ZNF282: variants seen among roughly 807,000 people sequenced by gnomAD.
The protein encoded by ZNF282 is zinc finger protein 282, also known as HTLV-I U5 repressive element-binding protein 1.
Under a neutral mutation model 61.9 loss-of-function variants are expected in ZNF282, and 30 were observed. The observed-to-expected ratio is 0.48, with a 90% CI of 0.36 to 0.66. The LOEUF (loss-of-function observed/expected upper bound fraction) is 0.66, where lower values mean the gene tolerates loss of function less well. Ranked by LOEUF, ZNF282 falls within the 30% of genes least tolerant of loss-of-function variation. The pLI is 0.00. For missense variants in ZNF282, 788 were observed against 941.4 expected, an observed-to-expected ratio of 0.84 and a Z score of 2.13; for synonymous variants, 396 against 405.0, an observed-to-expected ratio of 0.98 and a Z score of 0.27.
At chr7:149,208,293 C>A (rs889671744) in intron 4 of ZNF282, among the ~76,000 whole-genome samples, 1 of 152,080 alleles carries the variant, frequency 6.6e-6, no homozygotes, top group African/African-American at 2.4e-5. Context: ...AGATTCAAGT[C>A]TGCAACCTCA....
At chr7:149,211,844 G>A (rs1344400075) in intron 5 of ZNF282, among the ~76,000 whole-genome samples, 1 of 152,060 alleles carries the variant, frequency 6.6e-6, no homozygotes, top group Non-Finnish European at 1.5e-5. Context: ...AAGGCAATAA[G>A]GTGTAAATTA....
Position 149,223,915 on chromosome 7 carries a change from G to C in ZNF282, c.1284G>C (p.Gln428His), listed in dbSNP as rs1036044800. The C allele has an allele frequency of 2.2e-6, 3 of 1,362,158 alleles. No individual in the cohort carries two copies. The highest frequency in any genetic ancestry group is 3.6e-5 in the Admixed American group (1 of 28,134). 84.4% of individuals were successfully genotyped at this position (1,362,158 alleles called of 1,614,324 possible). A position where few individuals can be genotyped will look rare whatever the true frequency, so the allele number is the denominator to read the frequency against. ...QPQLQSQPQP[Q>H]SLPPIAVAEN... ...AGCTGCAGTCGCAGCCCCAGCCCCA[G>C]AGCCTGCCCCCCATCGCGGTGGCCG... The change falls in exon 8 of 8, where the codon CAG (glutamine) becomes CAC (histidine). Residue 428 changes from glutamine (Q) to histidine (H), a missense_variant. Coordinates refer to ENST00000610704, the MANE Select transcript of ZNF282 (RefSeq NM_003575.4).
chr7:149,207,593 T>C, intron 4 of ZNF282, 123 bp downstream of exon 4: 1 of 1,417,708 alleles, frequency 7.1e-7, no homozygotes, highest in Non-Finnish European at 9.4e-7. Flanking sequence ...CTTGGGTGGC[T>C]CCCAGGGGCC....
chr7:149,198,997 C>G lies in ZNF282; in HGVS notation c.585+245C>G, dbSNP rs1453328476. Among the ~76,000 whole-genome samples the G allele has an allele frequency of 1.3e-5, 2 of 152,204 alleles. No homozygotes were observed. The highest frequency in any genetic ancestry group is 4.8e-5 in the African/African-American group (2 of 41,448). On this transcript the variant is annotated intron_variant, in intron 2 of 7. Transcript: ENST00000610704. The surrounding 1 kb of genome is among the most constrained non-coding windows in gnomAD (Gnocchi z 4.3). Reference sequence around the variant, plus strand: ...CTGGGAGCCTTTGCTCTCGCTGTTCCTAGACCCCTCTGAGTTGTCTGGTTG... The same window carrying G: ...CTGGGAGCCTTTGCTCTCGCTGTTCGTAGACCCCTCTGAGTTGTCTGGTTG...
rs1232244244 is a variant in ZNF282, at chr7:149,223,947, C to T, written c.1316C>T (p.Pro439Leu). 11 of 1,310,386 alleles carry T rather than the reference C, an allele frequency of 8.4e-6. No homozygotes were observed. The highest frequency in any genetic ancestry group is 3.1e-5 in the African/African-American group (2 of 64,640). 81.2% of individuals were successfully genotyped at this position (1,310,386 alleles called of 1,614,324 possible). A position where few individuals can be genotyped will look rare whatever the true frequency, so the allele number is the denominator to read the frequency against. ...SLPPIAVAEN[P>L]GGPPSRGLLD... Reference sequence around the variant, plus strand: ...CCCCCCATCGCGGTGGCCGAGAACCCGGGCGGCCCCCCGAGCCGAGGGCTG... The same window carrying T: ...CCCCCCATCGCGGTGGCCGAGAACCTGGGCGGCCCCCCGAGCCGAGGGCTG... Residue 439 changes from proline (P) to leucine (L), a missense_variant, in exon 8 of 8, where the codon CCG becomes CTG. By Grantham distance (98) the Pro-to-Leu change is moderately conservative. Transcript: ENST00000610704.
At chr7:149,211,214 A>G (rs540348153) in intron 5 of ZNF282, among the ~76,000 whole-genome samples, 3 of 152,328 alleles carry the variant, frequency 2.0e-5, no homozygotes, top group Admixed American at 6.5e-5. Context: ...GCTCTGTTAT[A>G]GCAGATGTAT....
In ZNF282 at chr7:149,223,752, G is replaced by A. The variant is rs540265325; in HGVS notation, c.1181-60G>A. The A allele has an allele frequency of 8.4e-5, 118 of 1,400,186 alleles. No homozygotes were observed. In the African/African-American group the frequency reaches 1.7e-3, roughly 20 times the overall value. 86.7% of individuals were successfully genotyped at this position (1,400,186 alleles called of 1,614,324 possible). ...ATGCTCCCTGGGCCCCCCTTCGGGA[G>A]CAGTGTGGGGTCCTGGCCGAGAACC... On this transcript the variant is annotated intron_variant, in intron 7 of 7. Transcript: ENST00000610704.
intron 5 of ZNF282, 53 bp from the exon 6 acceptor site, chr7:149,212,305 G>T: frequency 1.6e-6 from 2 of 1,253,794 alleles, no homozygotes; most frequent in Non-Finnish European, 2.3e-6. Flanking sequence ...ACACAAACTT[G>T]CAGGAGATTT....
At position 149,223,984 on chromosome 7, in the gene ZNF282, T is replaced by C; in HGVS notation, c.1353T>C (p.Gly451=). 1 of 1,269,616 alleles carries C rather than the reference T, an allele frequency of 7.9e-7. No homozygotes were observed. The highest frequency in any genetic ancestry group is 9.9e-7 in the Non-Finnish European group (1 of 1,008,608). 78.6% of individuals were successfully genotyped at this position (1,269,616 alleles called of 1,614,324 possible). The change falls in exon 8 of 8, where the codon GGT becomes GGC. Residue 451 remains glycine, a synonymous_variant. Transcript: ENST00000610704. ...GPPSRGLLDD[G]FQVLPGERGS... is the part of the protein sequence containing the mutation. ...CGAGCCGAGGGCTGCTGGACGACGG[T>C]TTCCAGGTGCTGCCCGGGGAGCGTG... is the stretch of plus-strand genomic sequence containing the variant.
At chr7:149,201,077 GGATCGCCTGCCT>G (rs1432944108) in intron 2 of ZNF282, among the ~76,000 whole-genome samples, 2 of 152,112 alleles carry the variant, frequency 1.3e-5, no homozygotes, top group Non-Finnish European at 2.9e-5. Flanking sequence ...AGTGAACTGC[GGATCGCCTGCCT>G]GAGACCTGTT....
intron 6 of ZNF282, 135 bp from the exon 7 acceptor site, chr7:149,213,566 G>T: frequency 1.5e-6 from 1 of 656,818 alleles, no homozygotes; most frequent in South Asian, 1.6e-5. Context: ...AAGGAGGATG[G>T]CCTGGAAATG....
intron 4 of ZNF282, among the ~76,000 whole-genome samples, chr7:149,209,548 G>A (rs1055399142): frequency 1.3e-5 from 2 of 152,256 alleles, no homozygotes; most frequent in African/African-American, 4.8e-5. Flanking sequence ...TTGAAGCACT[G>A]TAATCTCAAC....
At position 149,225,092 on chromosome 7, in the gene ZNF282, G is replaced by C. The variant is rs1027258779; in HGVS notation, c.*445G>C. On this transcript the variant is annotated 3_prime_UTR_variant, in exon 8 of 8. Transcript: ENST00000610704. ...CTTCATGATGACAACACTGCCTCGC[G>C]TTTCAATAGCGCTTTATACTTTTTT... 11 of 181,906 alleles carry C rather than the reference G, an allele frequency of 6.0e-5. No individual in the cohort carries two copies. The East Asian group carries it at 1.4e-3, about 23-fold the overall frequency. The allele number at this position is 181,906 out of a possible 1,614,324, so 11.3% of individuals were successfully genotyped here.
At chr7:149,197,987 C>T (rs1264449344) in intron 1 of ZNF282, among the ~76,000 whole-genome samples, 1 of 152,250 alleles carries the variant, frequency 6.6e-6, no homozygotes, top group African/African-American at 2.4e-5. Flanking sequence ...TAGGCAAATA[C>T]AAAGTTCGTC....
intron 2 of ZNF282, among the ~76,000 whole-genome samples, chr7:149,199,701 TAGAC>T (rs1352748799): frequency 1.3e-5 from 2 of 152,136 alleles, no homozygotes; most frequent in African/African-American, 2.4e-5. Context: ...CAAATAAAAA[TAGAC>T]AGAATAGTAT....
chr7:149,202,150 CTTTTTTTTT>C (rs35380773), intron 2 of ZNF282, among the ~76,000 whole-genome samples: 1 of 126,568 alleles, frequency 7.9e-6, no homozygotes, highest in Non-Finnish European at 1.7e-5. Context: ...AGATATGCTT[CTTTTTTTTT>C]TTTTTTTTTT....
In ZNF282 at chr7:149,224,531, G is replaced by T; in HGVS notation, c.1900G>T (p.Glu634Ter). 1.9e-6 allele frequency: 3 copies of T among 1,611,472 alleles called. No individual in the cohort carries two copies. The highest frequency in any genetic ancestry group is 2.5e-6 in the Non-Finnish European group (3 of 1,179,802). Residue 634 changes from glutamate (E) to a stop codon, truncating the protein, a stop_gained, in exon 8 of 8, where the codon GAG becomes TAG. Coordinates refer to ENST00000610704, the MANE Select transcript of ZNF282 (RefSeq NM_003575.4). LOFTEE classifies it high-confidence loss of function. Reference sequence around the variant, plus strand: ...GGGCGAGCGCCCCTACACGTGCGGCGAGTGCGGCAAGAGCTTCCGCTACAA... The same window carrying T: ...GGGCGAGCGCCCCTACACGTGCGGCTAGTGCGGCAAGAGCTTCCGCTACAA... ...HTGERPYTCGECGKSFRYKES... is the reference protein window; with the variant it reads ...HTGERPYTCG
intron 2 of ZNF282, among the ~76,000 whole-genome samples, chr7:149,204,688 C>T (rs376498648): frequency 5.4e-4 from 82 of 152,224 alleles, no homozygotes; most frequent in Middle Eastern, 3.4e-3. Context: ...GAGAATGAAA[C>T]GTTTGAAACA....
chr7:149,224,083 C>T lies in ZNF282; in HGVS notation c.1452C>T (p.Gly484=), dbSNP rs1462105588. The T allele has an allele frequency of 2.4e-6, 3 of 1,245,824 alleles. No individual in the cohort carries two copies. The highest frequency in any genetic ancestry group is 3.0e-6 in the Non-Finnish European group (3 of 995,658). The allele number at this position is 1,245,824 out of a possible 1,614,324, so 77.2% of individuals were successfully genotyped here. A position where few individuals can be genotyped will look rare whatever the true frequency, so the allele number is the denominator to read the frequency against. ...GGGGDGGGGG[G]GAEAGTGAGG... is the part of the protein sequence containing the mutation. ...GGGGCGATGGGGGCGGTGGGGGCGG[C>T]GGCGCGGAGGCGGGGACGGGGGCAG... The change falls in exon 8 of 8, where the codon GGC becomes GGT. Residue 484 remains glycine, a synonymous_variant. Transcript: ENST00000610704.
Sources: allele counts gnomAD v4.1 joint callset (sites outside exome capture counted in the v4.1 genomes callset), GRCh38; gene constraint gnomAD v4.1.1; non-coding constraint Gnocchi (gnomAD v3.1); transcripts MANE v1.5; gene names NCBI Gene and HGNC (gene_info 2026-07-23, HGNC 2026-07-21).